HPF1: variants seen among roughly 807,000 people sequenced by gnomAD.
The protein encoded by HPF1 is UPF0609 protein C4orf27.
A neutral mutation model predicts 38.8 loss-of-function variants in HPF1; 35 were observed. The ratio of observed to expected loss-of-function variants is 0.90; its 90% CI spans 0.69 to 1.19. The LOEUF (loss-of-function observed/expected upper bound fraction) is 1.19. HPF1 is among the 50% of genes most tolerant of loss of function. The pLI, the probability that HPF1 is intolerant of heterozygous loss-of-function variation, is 0.00. For synonymous variants in HPF1, 115 were observed against 139.2 expected (o/e 0.83, Z 1.22); for missense variants, 367 against 405.8 (o/e 0.90, Z 0.82).
intron 1 of HPF1, among the ~76,000 whole-genome samples, chr4:169,754,046 T>A (rs1375240536): frequency 6.6e-6 from 1 of 152,050 alleles, no homozygotes; most frequent in East Asian, 1.9e-4. Flanking sequence ...ACACAGCAAG[T>A]CTTTAAATAT....
chr4:169,750,733 G>C lies in HPF1; in HGVS notation c.209-8C>G, dbSNP rs755303597. ...GGCTTGCAGAAAGTGAATCTATAAAGAAAATAAATTTAGACAATACTTTCT... is the reference window on the plus strand; with the variant it reads ...GGCTTGCAGAAAGTGAATCTATAAACAAAATAAATTTAGACAATACTTTCT... On this transcript the variant is annotated splice_polypyrimidine_tract_variant and splice_region_variant and intron_variant, in intron 2 of 7. Coordinates refer to ENST00000393381, the MANE Select transcript of HPF1 (RefSeq NM_017867.3). The C allele has an allele frequency of 4.4e-6, 7 of 1,581,614 alleles. No homozygotes were observed. The South Asian group carries it at 8.1e-5, about 18-fold the overall frequency.
At chr4:169,739,656 AATAACC>A (rs1733940811) in intron 5 of HPF1, among the ~76,000 whole-genome samples, 1 of 152,224 alleles carries the variant, frequency 6.6e-6, no homozygotes, top group Non-Finnish European at 1.5e-5. Context: ...CTTCTAAAAA[AATAACC>A]AGATAAGTAT....
chr4:169,732,325 G>T (rs1733840870), intron 6 of HPF1, among the ~76,000 whole-genome samples: 1 of 151,976 alleles, frequency 6.6e-6, no homozygotes, highest in Non-Finnish European at 1.5e-5. Context: ...ATTTTTAGTA[G>T]AGACGGGATT....
chr4:169,738,697 A>G (rs1160389372), intron 5 of HPF1, among the ~76,000 whole-genome samples: 2 of 152,230 alleles, frequency 1.3e-5, no homozygotes, highest in Non-Finnish European at 2.9e-5. Flanking sequence ...GAAAAAAATG[A>G]AGTCATTGTC....
chr4:169,753,607 C>A, intron 2 of HPF1, 69 bp downstream of exon 2: 1 of 1,350,414 alleles, frequency 7.4e-7, no homozygotes, highest in South Asian at 1.3e-5. Flanking sequence ...GTGTGAGCCA[C>A]CACACCCAGC....
Position 169,748,980 on chromosome 4 carries a change from C to G in HPF1, c.399-138G>C, listed in dbSNP as rs530347300. 9.8e-4 allele frequency: 483 copies of G among 493,144 alleles called. 3 individuals carry two copies. Among genetic ancestry groups the G allele is most frequent in the African/African-American group, 8.2e-3 (389 of 47,690 alleles). 30.5% of individuals were successfully genotyped at this position (493,144 alleles called of 1,614,324 possible). Reference sequence around the variant, plus strand: ...GGCCTTTTTTTTTTTTTAATCATACCAGAATTTATCGATTACATCAAACAA... The same window carrying G: ...GGCCTTTTTTTTTTTTTAATCATACGAGAATTTATCGATTACATCAAACAA... On this transcript the variant is annotated intron_variant, in intron 3 of 7. Transcript: ENST00000393381.
At chr4:169,742,608 A>G (rs10012711) in intron 4 of HPF1, among the ~76,000 whole-genome samples, 1 of 151,874 alleles carries the variant, frequency 6.6e-6, no homozygotes, top group Non-Finnish European at 1.5e-5. Flanking sequence ...CTGGCTAACA[A>G]GGTGAAACCC....
chr4:169,729,562 A>G lies in HPF1; in HGVS notation c.*16T>C. On this transcript the variant is annotated 3_prime_UTR_variant, in exon 8 of 8. Coordinates refer to ENST00000393381, the MANE Select transcript of HPF1 (RefSeq NM_017867.3). Reference sequence around the variant, plus strand: ...TAGTCCTTTGAAATACTGTACACCAATCAAAGCCACCTTACTCATGCAGCA... The same window carrying G: ...TAGTCCTTTGAAATACTGTACACCAGTCAAAGCCACCTTACTCATGCAGCA... 1 of 1,499,224 alleles carries G rather than the reference A, an allele frequency of 6.7e-7. No individual in the cohort carries two copies. Among genetic ancestry groups the G allele is most frequent in the Non-Finnish European group, 8.9e-7 (1 of 1,124,010 alleles). The allele number at this position is 1,499,224 out of a possible 1,614,324, so 92.9% of individuals were successfully genotyped here. A position where few individuals can be genotyped will look rare whatever the true frequency, so the allele number is the denominator to read the frequency against.
At position 169,757,925 on chromosome 4, in the gene HPF1, G is replaced by T. The variant is rs1342924937; in HGVS notation, c.-48C>A. 1 of 1,524,286 alleles carries T rather than the reference G, an allele frequency of 6.6e-7. No individual in the cohort carries two copies. Among genetic ancestry groups the T allele is most frequent in the Non-Finnish European group, 8.8e-7 (1 of 1,136,180 alleles). The allele number at this position is 1,524,286 out of a possible 1,614,324, so 94.4% of individuals were successfully genotyped here. A position where few individuals can be genotyped will look rare whatever the true frequency, so the allele number is the denominator to read the frequency against. ...AATTCCCCGATCCGCGGCCGCTTCC[G>T]AGCGCCGCCAACCGCTTCCGGGTTC... On this transcript the variant is annotated 5_prime_UTR_variant, in exon 1 of 8. Transcript: ENST00000393381.
At chr4:169,751,708 T>C (rs1488298942) in intron 2 of HPF1, among the ~76,000 whole-genome samples, 1 of 152,154 alleles carries the variant, frequency 6.6e-6, no homozygotes, top group African/African-American at 2.4e-5. Flanking sequence ...AAAAAATTCC[T>C]GGAAGAGGTA....
intron 6 of HPF1, among the ~76,000 whole-genome samples, chr4:169,734,028 A>C (rs1003587005): frequency 6.6e-6 from 1 of 152,214 alleles, no homozygotes; most frequent in African/African-American, 2.4e-5. Context: ...TACCCCAGTC[A>C]CAAAATGTGT....
intron 5 of HPF1, among the ~76,000 whole-genome samples, chr4:169,738,143 T>G (rs1733922051): frequency 6.6e-6 from 1 of 152,176 alleles, no homozygotes; most frequent in Non-Finnish European, 1.5e-5. Context: ...AAATAGTTCT[T>G]GTCAGCAAGA....
chr4:169,731,980 G>T, intron 6 of HPF1, 104 bp from the exon 7 acceptor site: 1 of 892,068 alleles, frequency 1.1e-6, no homozygotes, highest in Non-Finnish European at 1.7e-6. Context: ...CTAAGACTTT[G>T]TACTAATACA....
At chr4:169,742,945 A>T (rs1733994455) in intron 4 of HPF1, among the ~76,000 whole-genome samples, 1 of 151,474 alleles carries the variant, frequency 6.6e-6, no homozygotes, top group Non-Finnish European at 1.5e-5. Flanking sequence ...CACCAAAAAT[A>T]CAAAAATTAG....
intron 4 of HPF1, among the ~76,000 whole-genome samples, chr4:169,747,393 T>C (rs1734063205): frequency 1.3e-5 from 2 of 152,190 alleles, no homozygotes; most frequent in African/African-American, 4.8e-5. Flanking sequence ...TACACCAGTA[T>C]GTACGTAGCA....
chr4:169,754,580 C>T (rs1405100070), intron 1 of HPF1, among the ~76,000 whole-genome samples: 4 of 151,810 alleles, frequency 2.6e-5, no homozygotes, highest in Non-Finnish European at 5.9e-5. Context: ...AGACAATATG[C>T]TTAATTGGAA....
intron 5 of HPF1, among the ~76,000 whole-genome samples, chr4:169,741,718 A>G (rs1292899179): frequency 6.6e-6 from 1 of 152,222 alleles, no homozygotes; most frequent in African/African-American, 2.4e-5. Flanking sequence ...GAGTTATTCA[A>G]CCACAGCAGT....
In HPF1 at chr4:169,756,066, A is replaced by G. The variant is rs1189624022; in HGVS notation, c.48+1764T>C. On this transcript the variant is annotated intron_variant, in intron 1 of 7. Coordinates refer to ENST00000393381, the MANE Select transcript of HPF1 (RefSeq NM_017867.3). ...ATGAATCCAAAAGTGAGTATCAATA[A>G]TAGCAAATAGTAATAGTAAAGATAA... Among the ~76,000 whole-genome samples the G allele has an allele frequency of 2.0e-5, 3 of 152,260 alleles. No individual in the cohort carries two copies. The East Asian group carries it at 5.8e-4, about 29-fold the overall frequency.
chr4:169,756,919 T>C (rs887562787), intron 1 of HPF1, among the ~76,000 whole-genome samples: 3 of 152,218 alleles, frequency 2.0e-5, no homozygotes, highest in African/African-American at 7.2e-5. Context: ...TTCTTTACCC[T>C]GGTCTTCCTA....
Sources: gnomAD v4.1 joint callset for allele counts (sites outside exome capture counted in the v4.1 genomes callset) on GRCh38, gnomAD v4.1.1 for gene constraint, MANE v1.5 for transcripts, NCBI Gene and HGNC (gene_info 2026-07-23, HGNC 2026-07-21) for gene names.